The following L3MBTL3 variants were observed in gnomAD, a reference collection of about 807,000 sequenced individuals.
L3MBTL3 encodes lethal(3)malignant brain tumor-like protein 3.
L3MBTL3 carries 27 observed loss-of-function variants against 102.3 expected under a neutral mutation model. That is an observed-to-expected ratio of 0.26 (90% CI 0.19 to 0.36). L3MBTL3 has a LOEUF of 0.36. Among genes scored for constraint, L3MBTL3 ranks in the 10% least tolerant of loss-of-function variants. The pLI is 1.00. For missense variants in L3MBTL3, 798 were observed against 955.3 expected (o/e 0.84, Z 2.17); for synonymous variants, 340 against 320.9 (o/e 1.06, Z -0.64).
intron 19 of L3MBTL3, among the ~76,000 whole-genome samples, chr6:130,107,513 C>G (rs1326555383): frequency 1.3e-5 from 2 of 152,084 alleles, no homozygotes; most frequent in African/African-American, 4.8e-5. Flanking sequence ...ATTGAAGCTT[C>G]TATAATTCCT....
chr6:130,134,777 A>T (rs1238419067), intron 22 of L3MBTL3, among the ~76,000 whole-genome samples: 1 of 152,206 alleles, frequency 6.6e-6, no homozygotes, highest in East Asian at 1.9e-4. Flanking sequence ...TGTAAAGCTC[A>T]ACTGTTAAGA....
chr6:130,111,043 T>C (rs1785315696), intron 19 of L3MBTL3, among the ~76,000 whole-genome samples: 1 of 151,434 alleles, frequency 6.6e-6, no homozygotes, highest in South Asian at 2.1e-4. Context: ...GACATTATGA[T>C]TTTTTTTTAA....
chr6:130,068,525 C>A (rs1428737945), intron 12 of L3MBTL3, 104 bp downstream of exon 12: 19 of 629,706 alleles, frequency 3.0e-5, no homozygotes, highest in Non-Finnish European at 1.4e-5. Flanking sequence ...AATTTTATCG[C>A]CTTGGTAAAT....
intron 8 of L3MBTL3, 60 bp downstream of exon 8, chr6:130,055,315 A>G: frequency 1.5e-6 from 2 of 1,334,680 alleles, no homozygotes; most frequent in Non-Finnish European, 2.1e-6. Context: ...TGGTTCACAC[A>G]GGTGGAAATT....
chr6:130,041,009 A>G (rs1780386017), intron 2 of L3MBTL3, among the ~76,000 whole-genome samples: 1 of 152,320 alleles, frequency 6.6e-6, no homozygotes, highest in South Asian at 2.1e-4. Flanking sequence ...GTTTTGCACT[A>G]TCAGTGCAAA....
intron 22 of L3MBTL3, among the ~76,000 whole-genome samples, chr6:130,134,638 A>G (rs1488366683): frequency 2.0e-5 from 3 of 152,212 alleles, no homozygotes; most frequent in South Asian, 2.1e-4. Context: ...AAAGCAGTCA[A>G]TTACCCCTCT....
chr6:130,085,612 A>C (rs1271492537), intron 15 of L3MBTL3, among the ~76,000 whole-genome samples: 1 of 152,180 alleles, frequency 6.6e-6, no homozygotes, highest in Non-Finnish European at 1.5e-5. Flanking sequence ...GGTGAAGTTC[A>C]GAGCTACTCT....
chr6:130,079,106 A>C (rs979144249), intron 14 of L3MBTL3, among the ~76,000 whole-genome samples: 1 of 152,218 alleles, frequency 6.6e-6, no homozygotes, highest in Non-Finnish European at 1.5e-5. Flanking sequence ...TAAGAGGGAC[A>C]GCATTTGTGT....
At chr6:130,063,891 G>A (rs570245981) in intron 10 of L3MBTL3, among the ~76,000 whole-genome samples, 1 of 152,304 alleles carries the variant, frequency 6.6e-6, no homozygotes, top group African/African-American at 2.4e-5. Flanking sequence ...AACTGAAACA[G>A]GAAGGTAAAG....
rs759558528 is a variant in L3MBTL3, at chr6:130,052,841, G to A, written c.450-18G>A. ...GGTATTGTCTCTTGTCACTATTTTG[G>A]GTTTATAAACACAACAGAGATCAGA... On this transcript the variant is annotated intron_variant, in intron 6 of 22. Coordinates refer to ENST00000361794, the MANE Select transcript of L3MBTL3 (RefSeq NM_032438.4). 1 of 1,605,590 alleles carries A rather than the reference G, an allele frequency of 6.2e-7. No homozygotes were observed. Among genetic ancestry groups the A allele is most frequent in the South Asian group, 1.1e-5 (1 of 89,910 alleles).
At chr6:130,117,440 A>G (rs534878806) in intron 19 of L3MBTL3, among the ~76,000 whole-genome samples, 6 of 152,240 alleles carry the variant, frequency 3.9e-5, no homozygotes, top group African/African-American at 1.2e-4. Flanking sequence ...GTCAAGAAGC[A>G]TATCTTTTAC....
At chr6:130,074,145 A>G (rs1250766688) in intron 13 of L3MBTL3, among the ~76,000 whole-genome samples, 1 of 152,124 alleles carries the variant, frequency 6.6e-6, no homozygotes, top group Non-Finnish European at 1.5e-5. Context: ...GAAATGAGAT[A>G]TTTTTTGCTT....
chr6:130,058,574 C>T (rs1015924883), intron 9 of L3MBTL3, among the ~76,000 whole-genome samples: 1 of 152,116 alleles, frequency 6.6e-6, no homozygotes, highest in Non-Finnish European at 1.5e-5. Context: ...CAGAGCAAGA[C>T]CCTGTCTCTA....
intron 5 of L3MBTL3, among the ~76,000 whole-genome samples, chr6:130,050,354 G>A (rs532667549): frequency 5.9e-5 from 9 of 152,292 alleles, no homozygotes; most frequent in East Asian, 1.9e-4. Context: ...ACAGAATTAC[G>A]TGTAATTTTC....
At chr6:130,043,523 T>C (rs1780555573) in intron 3 of L3MBTL3, among the ~76,000 whole-genome samples, 1 of 152,222 alleles carries the variant, frequency 6.6e-6, no homozygotes, top group South Asian at 2.1e-4. Context: ...CTCTCATTTC[T>C]AATTTGCTTT....
chr6:130,020,054 G>A (rs1021444290), intron 1 of L3MBTL3, among the ~76,000 whole-genome samples: 5 of 148,726 alleles, frequency 3.4e-5, no homozygotes, highest in African/African-American at 1.2e-4. Flanking sequence ...GCGGCGCGGG[G>A]CTGCTTTTCC....
At chr6:130,035,204 A>G (rs1779979198) in intron 2 of L3MBTL3, among the ~76,000 whole-genome samples, 1 of 152,228 alleles carries the variant, frequency 6.6e-6, no homozygotes, top group Admixed American at 6.5e-5. Context: ...ATACAGAAAG[A>G]AGGCTCACCA....
chr6:130,061,041 A>G (rs1450145611), intron 10 of L3MBTL3, among the ~76,000 whole-genome samples: 3 of 150,296 alleles, frequency 2.0e-5, no homozygotes, highest in African/African-American at 7.4e-5. Flanking sequence ...AGGGCATACT[A>G]TGTGCCAGCG....
intron 2 of L3MBTL3, among the ~76,000 whole-genome samples, chr6:130,027,163 C>T (rs746811248): frequency 1.2e-4 from 18 of 152,056 alleles, no homozygotes; most frequent in Non-Finnish European, 1.6e-4. Flanking sequence ...ATATGAGTTA[C>T]GGTGGATCAG....
Sources: gnomAD v4.1 joint callset for allele counts (sites outside exome capture counted in the v4.1 genomes callset) on GRCh38, gnomAD v4.1.1 for gene constraint, MANE v1.5 for transcripts, NCBI Gene and HGNC (gene_info 2026-07-23, HGNC 2026-07-21) for gene names.